The following ASIC2 variants were observed in gnomAD, a reference collection of about 807,000 sequenced individuals.
ASIC2 encodes acid sensing ion channel subunit 2.
In ASIC2, 25 loss-of-function variants were observed where a neutral mutation model predicts 57.3. That is an observed-to-expected ratio of 0.44 (90% CI 0.32 to 0.61). ASIC2 has a LOEUF of 0.61. ASIC2 is among the 20% of genes least tolerant of loss of function. The pLI, the probability that ASIC2 is intolerant of heterozygous loss-of-function variation, is 0.06. For missense variants in ASIC2, 641 were observed against 738.1 expected (o/e 0.87, Z 1.52); for synonymous variants, 319 against 307.5 (o/e 1.04, Z -0.39).
intron 3 of ASIC2, among the ~76,000 whole-genome samples, chr17:33,064,963 A>T (rs533073525): frequency 6.6e-6 from 1 of 152,300 alleles, no homozygotes; most frequent in East Asian, 1.9e-4. Flanking sequence ...GATTGAGAAC[A>T]TGGAGTTACA....
intron 1 of ASIC2, among the ~76,000 whole-genome samples, chr17:33,798,490 T>C (rs1597880262): frequency 6.6e-6 from 1 of 152,280 alleles, no homozygotes; most frequent in Middle Eastern, 3.4e-3. Context: ...ATCAAAGCCA[T>C]CAAGCGAATG....
At chr17:33,390,647 G>C (rs1013572916) in intron 1 of ASIC2, among the ~76,000 whole-genome samples, 1 of 152,176 alleles carries the variant, frequency 6.6e-6, no homozygotes, top group Non-Finnish European at 1.5e-5. Context: ...CTTGAGGACT[G>C]TTGAAATCCT....
intron 1 of ASIC2, among the ~76,000 whole-genome samples, chr17:33,633,796 C>T (rs958018119): frequency 6.6e-6 from 1 of 152,182 alleles, no homozygotes; most frequent in Non-Finnish European, 1.5e-5. Context: ...GCCTTATCCT[C>T]AGGGTCTGAC....
intron 2 of ASIC2, among the ~76,000 whole-genome samples, chr17:33,109,353 T>A (rs1048783931): frequency 7.2e-5 from 11 of 152,228 alleles, no homozygotes; most frequent in Non-Finnish European, 1.5e-5. Flanking sequence ...AACATTTTCA[T>A]CAGCCCAGAA....
intron 1 of ASIC2, among the ~76,000 whole-genome samples, chr17:33,739,169 CAA>C (rs1910018463): frequency 6.6e-6 from 1 of 152,158 alleles, no homozygotes; most frequent in Non-Finnish European, 1.5e-5. Context: ...AGACAAATGT[CAA>C]AGTTTATATG....
At chr17:34,131,239 G>A (rs1247748267) in intron 1 of ASIC2, among the ~76,000 whole-genome samples, 3 of 152,184 alleles carry the variant, frequency 2.0e-5, no homozygotes, top group Non-Finnish European at 4.4e-5. Flanking sequence ...CTGGGACAAA[G>A]TAGTGACATA....
intron 1 of ASIC2, among the ~76,000 whole-genome samples, chr17:33,848,102 G>A (rs1057280670): frequency 2.6e-4 from 40 of 152,282 alleles, no homozygotes; most frequent in African/African-American, 9.4e-4. Flanking sequence ...CAGAGCCTGA[G>A]CTCTTTGCAT....
intron 1 of ASIC2, among the ~76,000 whole-genome samples, chr17:33,486,209 A>G (rs899643665): frequency 6.6e-6 from 1 of 152,200 alleles, no homozygotes; most frequent in African/African-American, 2.4e-5. Context: ...ACTAGTGCTG[A>G]CACCTACGGG....
intron 1 of ASIC2, among the ~76,000 whole-genome samples, chr17:33,569,731 T>A (rs1044046288): frequency 3.9e-5 from 6 of 152,150 alleles, no homozygotes; most frequent in Admixed American, 2.6e-4. Flanking sequence ...CATCCATCTA[T>A]CCATCCGTCC....
At chr17:33,112,098 G>A (rs1437394913) in intron 1 of ASIC2, 31 bp from the exon 2 acceptor site, 4 of 1,530,196 alleles carry the variant, frequency 2.6e-6, no homozygotes, top group South Asian at 1.2e-5. Flanking sequence ...AGAGAGAGAA[G>A]CACATGGGTA....
At chr17:33,269,944 C>G (rs964500144) in intron 1 of ASIC2, among the ~76,000 whole-genome samples, 1 of 152,172 alleles carries the variant, frequency 6.6e-6, no homozygotes, top group African/African-American at 2.4e-5. Context: ...TGTGCTTGGT[C>G]CCAGCAGGCT....
At chr17:33,116,291 G>A (rs934640857) in intron 1 of ASIC2, among the ~76,000 whole-genome samples, 1 of 152,202 alleles carries the variant, frequency 6.6e-6, no homozygotes, top group African/African-American at 2.4e-5. Context: ...TTTACACACA[G>A]CGCAATTTTG....
intron 1 of ASIC2, among the ~76,000 whole-genome samples, chr17:33,783,770 C>T (rs1911524486): frequency 6.6e-6 from 1 of 152,198 alleles, no homozygotes; most frequent in Admixed American, 6.5e-5. Context: ...ATTCTTAGTC[C>T]CAACTCCAGT....
intron 1 of ASIC2, among the ~76,000 whole-genome samples, chr17:34,155,197 A>G (rs1904669918): frequency 6.6e-6 from 1 of 152,026 alleles, no homozygotes; most frequent in African/African-American, 2.4e-5. Flanking sequence ...GTTTCAAGCC[A>G]AAGCTCCCAG....
chr17:34,058,135 C>G (rs1399212189), intron 1 of ASIC2, among the ~76,000 whole-genome samples: 21 of 152,192 alleles, frequency 1.4e-4, no homozygotes, highest in Admixed American at 1.4e-3. Context: ...GTGCTAACCT[C>G]TATATTTACT....
intron 1 of ASIC2, among the ~76,000 whole-genome samples, chr17:34,049,863 A>C (rs1908487097): frequency 6.6e-6 from 1 of 152,102 alleles, no homozygotes; most frequent in Non-Finnish European, 1.5e-5. Context: ...CTCTGTGTTC[A>C]TGTTGGACCT....
chr17:34,136,724 C>T (rs1912136354), intron 1 of ASIC2, among the ~76,000 whole-genome samples: 1 of 152,196 alleles, frequency 6.6e-6, no homozygotes, highest in Non-Finnish European at 1.5e-5. Context: ...ACCTTGGGTA[C>T]GTGTTCTCAA....
At chr17:33,996,537 G>A (rs954454395) in intron 1 of ASIC2, among the ~76,000 whole-genome samples, 8 of 152,148 alleles carry the variant, frequency 5.3e-5, no homozygotes, top group African/African-American at 9.7e-5. Flanking sequence ...TACATAGTAT[G>A]AGATAAGGGT....
At chr17:33,660,446 T>C (rs147252175) in intron 1 of ASIC2, among the ~76,000 whole-genome samples, 69 of 152,230 alleles carry the variant, frequency 4.5e-4, no homozygotes, top group African/African-American at 1.5e-3. Flanking sequence ...CTATAAGCTT[T>C]TTTCTGTTTT....
Sources: gnomAD v4.1 joint callset for allele counts (sites outside exome capture counted in the v4.1 genomes callset) on GRCh38, gnomAD v4.1.1 for gene constraint, MANE v1.5 for transcripts, NCBI Gene and HGNC (gene_info 2026-07-23, HGNC 2026-07-21) for gene names.